The following CAPN2 variants were observed in gnomAD, a reference collection of about 807,000 sequenced individuals.
CAPN2 encodes the protein calpain 2, also known as calpain-2 catalytic subunit.
In CAPN2, 92 loss-of-function variants were observed where a neutral mutation model predicts 102.3. The observed-to-expected ratio is 0.90, with a 90% confidence interval of 0.76 to 1.07. The LOEUF (loss-of-function observed/expected upper bound fraction) is 1.07, where lower values mean the gene tolerates loss of function less well. Ranked by LOEUF, CAPN2 falls within the 50% of genes least tolerant of loss-of-function variation. CAPN2 has a pLI of 0.00. For missense variants in CAPN2, 800 were observed against 909.4 expected (o/e 0.88, Z 1.55); for synonymous variants, 340 against 355.4 (o/e 0.96, Z 0.49).
At chr1:223,714,743 C>T (rs909666233) in intron 1 of CAPN2, among the ~76,000 whole-genome samples, 6 of 151,890 alleles carry the variant, frequency 4.0e-5, no homozygotes, top group Non-Finnish European at 8.8e-5. Context: ...TTCATTCATT[C>T]AGTAAGCATT....
chr1:223,768,257 TC>T (rs1436994535), intron 16 of CAPN2, among the ~76,000 whole-genome samples: 2 of 150,898 alleles, frequency 1.3e-5, no homozygotes, highest in African/African-American at 4.9e-5. Flanking sequence ...AGACATGAAG[TC>T]CTTGCCCATG....
In CAPN2 at chr1:223,755,813, G is replaced by T. The variant is rs28370096; in HGVS notation, c.1305+164G>T. The stretch of plus-strand genomic sequence containing the variant: ...CTGGCCAGGCTCAGGAGTAGCCCCC[G>T]TAGGGAGGCCCCTGCAGTGGCTCTG... On this transcript the variant is annotated intron_variant, in intron 10 of 20. Transcript: ENST00000295006. This position sits in a 1 kb window ranked among gnomAD's most constrained non-coding sequence, Gnocchi z 4.1. Among the ~76,000 whole-genome samples the T allele has an allele frequency of 1.3e-5, 2 of 152,306 alleles. No homozygotes were observed. The highest frequency in any genetic ancestry group is 4.1e-4 in the South Asian group (2 of 4,824).
chr1:223,716,096 C>G (rs1300792751), intron 1 of CAPN2, among the ~76,000 whole-genome samples: 1 of 152,028 alleles, frequency 6.6e-6, no homozygotes, highest in African/African-American at 2.4e-5. Context: ...TGCAGCAAAG[C>G]CCAAACCCTC....
rs959425272 is a variant in CAPN2, at chr1:223,731,716, C to T, written c.308-12384C>T. On this transcript the variant is annotated intron_variant, in intron 2 of 20. Transcript: ENST00000295006. This position sits in a 1 kb window ranked among gnomAD's most constrained non-coding sequence, Gnocchi z 4.2. ...ACATGTCCTCCAGAGTTGACTTACGCGAGGACAGAGGTGTGCAGAGGCACG... is the reference window on the plus strand; with the variant it reads ...ACATGTCCTCCAGAGTTGACTTACGTGAGGACAGAGGTGTGCAGAGGCACG... 6.6e-5 allele frequency among the ~76,000 whole-genome samples: 10 copies of T among 152,136 alleles called. No homozygotes were observed. Among genetic ancestry groups the T allele is most frequent in the South Asian group, 2.1e-4 (1 of 4,822 alleles).
At chr1:223,767,115 C>A (rs577495401) in intron 16 of CAPN2, among the ~76,000 whole-genome samples, 1 of 152,232 alleles carries the variant, frequency 6.6e-6, no homozygotes, top group South Asian at 2.1e-4. Context: ...GGAAAATATT[C>A]CCTAACCACA....
intron 4 of CAPN2, among the ~76,000 whole-genome samples, chr1:223,745,801 G>C (rs760348386): frequency 1.8e-4 from 28 of 152,332 alleles, no homozygotes; most frequent in Admixed American, 5.2e-4. Context: ...ACAAGTTATG[G>C]TACTGATTGT....
At chr1:223,769,572 A>C (rs1374827416) in intron 16 of CAPN2, among the ~76,000 whole-genome samples, 3 of 151,862 alleles carry the variant, frequency 2.0e-5, no homozygotes, top group Non-Finnish European at 4.4e-5. Flanking sequence ...GTCATCCAAT[A>C]CCTCATTTTT....
At position 223,747,033 on chromosome 1, in the gene CAPN2, C is replaced by T. The variant is rs1262774177; in HGVS notation, c.597C>T (p.Ala199=). ...GCTATGAAGCGCTATCAGGGGGTGC[C>T]ACCACTGAGGGCTTCGAAGACTTCA... The part of the protein sequence containing the change: ...NGCYEALSGG[A]TTEGFEDFTG... The change falls in exon 5 of 21, where the codon GCC becomes GCT. Residue 199 remains alanine, a synonymous_variant. Transcript: ENST00000295006. The T allele has an allele frequency of 1.9e-6, 3 of 1,613,918 alleles. No homozygotes were observed. The highest frequency in any genetic ancestry group is 2.5e-6 in the Non-Finnish European group (3 of 1,179,874).
chr1:223,741,895 GCCT>G (rs1290158024), intron 2 of CAPN2, among the ~76,000 whole-genome samples: 1 of 152,118 alleles, frequency 6.6e-6, no homozygotes, highest in Non-Finnish European at 1.5e-5. Context: ...TCCTGCCTCA[GCCT>G]CCCAAGTAGC....
chr1:223,719,262 C>T (rs571972639), intron 2 of CAPN2, among the ~76,000 whole-genome samples: 6 of 152,208 alleles, frequency 3.9e-5, no homozygotes, highest in East Asian at 3.9e-4. Flanking sequence ...AAACAGCCGG[C>T]GCAGTGGCTC....
rs553652188 is a variant in CAPN2, at chr1:223,727,797, C to T, written c.307+9966C>T. On this transcript the variant is annotated intron_variant, in intron 2 of 20. Transcript: ENST00000295006. This position sits in a 1 kb window ranked among gnomAD's most constrained non-coding sequence, Gnocchi z 4.1. ...CTTCCCACTAGCATTGGGAGGAACA[C>T]AGCAAAGGAGGAGAAGGGCCCTCCC... Among the ~76,000 whole-genome samples, 2 of 152,260 alleles carry T rather than the reference C, an allele frequency of 1.3e-5. No homozygotes were observed. The highest frequency in any genetic ancestry group is 3.9e-4 in the East Asian group (2 of 5,176).
intron 5 of CAPN2, among the ~76,000 whole-genome samples, chr1:223,748,689 C>T (rs1571804835): frequency 6.7e-6 from 1 of 149,244 alleles, no homozygotes; most frequent in East Asian, 1.9e-4. Flanking sequence ...CGCCCTTTCC[C>T]TGCGCCATCG....
upstream of CAPN2, among the ~76,000 whole-genome samples, chr1:223,708,191 T>C (rs1334144771): frequency 6.6e-6 from 1 of 152,178 alleles, no homozygotes; most frequent in Non-Finnish European, 1.5e-5. Flanking sequence ...CAATGGAACC[T>C]GTGTCCCCGC....
intron 14 of CAPN2, among the ~76,000 whole-genome samples, chr1:223,763,528 GC>G (rs1174247388): frequency 3.9e-5 from 6 of 152,240 alleles, no homozygotes; most frequent in Non-Finnish European, 4.4e-5. Flanking sequence ...AGACATCTGA[GC>G]CCATGAGGGG....
rs186330289 is a variant in CAPN2 at position 223,720,140 on chromosome 1, G to A, written c.307+2309G>A. 2.7e-3 allele frequency among the ~76,000 whole-genome samples: 413 copies of A among 152,178 alleles called. 2 individuals carry two copies. The highest frequency in any genetic ancestry group is 9.2e-3 in the African/African-American group (383 of 41,500). ...CCTGGAACTTCCATCTGGAACCTCC[G>A]TCTCTTCCAAAAACGGAGAAGGAAG... On this transcript the variant is annotated intron_variant, in intron 2 of 20. Coordinates refer to ENST00000295006, the MANE Select transcript of CAPN2 (RefSeq NM_001748.5).
chr1:223,764,049 T>C (rs1661250815), intron 14 of CAPN2, 101 bp from the exon 15 acceptor site: 3 of 883,966 alleles, frequency 3.4e-6, no homozygotes, highest in East Asian at 4.9e-5. Context: ...TGCACATTCA[T>C]AGGCCCCACC....
Position 223,712,716 on chromosome 1 carries a change from A to G in CAPN2, c.76A>G (p.Lys26Glu), listed in dbSNP as rs770187297. 12 of 1,585,000 alleles carry G rather than the reference A, an allele frequency of 7.6e-6. No homozygotes were observed. The South Asian group carries it at 1.0e-4, about 14-fold the overall frequency. Residue 26 changes from lysine to glutamate, a missense_variant, in exon 1 of 21, where the codon AAG becomes GAG. Coordinates refer to ENST00000295006, the MANE Select transcript of CAPN2 (RefSeq NM_001748.5). Reference sequence around the variant, plus strand: ...GCTGGGCTCCCACGACAGGGCCATCAAGTACCTCAACCAGGACTACGAGGC... The same window carrying G: ...GCTGGGCTCCCACGACAGGGCCATCGAGTACCTCAACCAGGACTACGAGGC... ...EGLGSHDRAI[K>E]YLNQDYEALR...
Position 223,759,245 on chromosome 1 carries a change from C to G in CAPN2, c.1318-25C>G. The G allele has an allele frequency of 1.3e-6, 2 of 1,599,052 alleles. No individual in the cohort carries two copies. Among genetic ancestry groups the G allele is most frequent in the South Asian group, 1.1e-5 (1 of 90,706 alleles). The stretch of plus-strand genomic sequence containing the variant: ...CCTGGAGGCTTCCCCTCATCTACCC[C>G]CATGTTTCTCTATTTATTCCTCAGT... On this transcript the variant is annotated intron_variant, in intron 11 of 20. Coordinates refer to ENST00000295006, the MANE Select transcript of CAPN2 (RefSeq NM_001748.5). The surrounding 1 kb of genome is among the most constrained non-coding windows in gnomAD (Gnocchi z 4.6).
chr1:223,771,647 TAC>T, intron 18 of CAPN2, 160 bp from the exon 19 acceptor site: 1 of 647,072 alleles, frequency 1.5e-6, no homozygotes. Flanking sequence ...CAGCAGAAGG[TAC>T]TGGCTTTGCA....
Sources: gnomAD v4.1 joint callset for allele counts (sites outside exome capture counted in the v4.1 genomes callset) on GRCh38, gnomAD v4.1.1 for gene constraint, Gnocchi (gnomAD v3.1) non-coding constraint, MANE v1.5 for transcripts, NCBI Gene and HGNC (gene_info 2026-07-23, HGNC 2026-07-21) for gene names.